The following RFX6 variants were observed in gnomAD, a reference collection of about 807,000 sequenced individuals.
The protein encoded by RFX6 is regulatory factor X6.
In RFX6, 50 loss-of-function variants were observed where a neutral mutation model predicts 110.8. The observed-to-expected ratio is 0.45, with a 90% CI of 0.36 to 0.57. RFX6 has a LOEUF of 0.57. Among genes scored for constraint, RFX6 ranks in the 20% least tolerant of loss-of-function variants. The pLI, the probability that RFX6 is intolerant of heterozygous loss-of-function variation, is 0.00. For synonymous variants in RFX6, 383 were observed against 411.2 expected, an observed-to-expected ratio of 0.93 and a Z score of 0.83; for missense variants, 990 against 1,127.0, an observed-to-expected ratio of 0.88 and a Z score of 1.74.
At chr6:116,899,160 A>G (rs1775014048) in intron 6 of RFX6, among the ~76,000 whole-genome samples, 1 of 152,178 alleles carries the variant, frequency 6.6e-6, no homozygotes, top group South Asian at 2.1e-4. Context: ...AGAGAAGCAT[A>G]CTGCCTATTT....
intron 6 of RFX6, among the ~76,000 whole-genome samples, chr6:116,901,619 A>G (rs764619047): frequency 1.3e-5 from 2 of 152,200 alleles, no homozygotes; most frequent in Non-Finnish European, 1.5e-5. Flanking sequence ...ACGTATGTTG[A>G]ATACCACCCC....
chr6:116,877,689 C>A, intron 1 of RFX6, 107 bp from the exon 2 acceptor site: 1 of 1,174,172 alleles, frequency 8.5e-7, no homozygotes. Context: ...TCCTCCCCTC[C>A]GCCCCCACCC....
intron 5 of RFX6, 134 bp from the exon 6 acceptor site, chr6:116,895,046 A>C (rs1206672874): frequency 5.4e-6 from 3 of 552,988 alleles, no homozygotes; most frequent in Non-Finnish European, 6.6e-6. Flanking sequence ...GATTTCTTTA[A>C]AAAAAGCAAA....
rs1213599654 is a variant in RFX6, at chr6:116,919,158, TTTTGCTAAAAA to T, written c.1047_1057del (p.Phe349LeufsTer18). The T allele has an allele frequency of 6.2e-7, 1 of 1,613,500 alleles. No homozygotes were observed. Among genetic ancestry groups the T allele is most frequent in the Non-Finnish European group, 8.5e-7 (1 of 1,179,578 alleles). ...GTAGCTTATTAGCAGACATAAGAAATTTTGCTAAAAATTGGGAACAGTGGGTTGTTTCATCC... is the reference window on the plus strand; with the variant it reads ...GTAGCTTATTAGCAGACATAAGAAATTTGGGAACAGTGGGTTGTTTCATCC... On this transcript the variant is annotated frameshift_variant, in exon 11 of 19. Transcript: ENST00000332958. LOFTEE classifies it high-confidence loss of function.
At chr6:116,914,614 T>C (rs1003251036) in intron 7 of RFX6, among the ~76,000 whole-genome samples, 3 of 152,320 alleles carry the variant, frequency 2.0e-5, no homozygotes, top group East Asian at 1.9e-4. Flanking sequence ...AGGTATTCTA[T>C]AGTCAGCACA....
At position 116,911,028 on chromosome 6, in the gene RFX6, A is replaced by C; in HGVS notation, c.766A>C (p.Ile256Leu). Residue 256 changes from isoleucine (I) to leucine (L), a missense_variant, in exon 7 of 19, where the codon ATT (isoleucine) becomes CTT (leucine). Transcript: ENST00000332958. ...SAQHLVYQGC[I>L]SKDKVDTLIM... ...TCAACACCTTGTATACCAAGGATGC[A>C]TTTCTAAGGACAAGGTATCAATTAC... 6.2e-7 allele frequency: 1 copy of C among 1,603,520 alleles called. No homozygotes were observed. Among genetic ancestry groups the C allele is most frequent in the Non-Finnish European group, 8.5e-7 (1 of 1,170,414 alleles).
intron 6 of RFX6, among the ~76,000 whole-genome samples, chr6:116,895,645 T>TACGC: frequency 6.8e-6 from 1 of 147,940 alleles, no homozygotes; most frequent in South Asian, 2.2e-4. Flanking sequence ...CTACTTTGTG[T>TACGC]ACACACACAC....
intron 6 of RFX6, among the ~76,000 whole-genome samples, chr6:116,908,583 G>T (rs1370887070): frequency 1.3e-5 from 2 of 151,736 alleles, no homozygotes; most frequent in South Asian, 4.2e-4. Flanking sequence ...ATTTTCAAGG[G>T]TATTTTACCA....
At position 116,920,388 on chromosome 6, in the gene RFX6, A is replaced by T. The variant is rs1582533712; in HGVS notation, c.1261A>T (p.Ile421Phe). Residue 421 changes from isoleucine to phenylalanine, a missense_variant, in exon 12 of 19, where the codon ATT becomes TTT. This residue lies in a region of RFX6 where 243 missense variants were observed against 353.1 expected (regional missense o/e 0.69). Coordinates refer to ENST00000332958, the MANE Select transcript of RFX6 (RefSeq NM_173560.4). ...SDIERVDLNS[I>F]GSQALLTISG... ...TATTGAAAGGGTTGATTTGAACAGC[A>T]TTGGCTCTCAAGCCCTTCTTACCAT... The T allele has an allele frequency of 6.2e-7, 1 of 1,612,434 alleles. No homozygotes were observed. The highest frequency in any genetic ancestry group is 8.5e-7 in the Non-Finnish European group (1 of 1,178,564).
At chr6:116,882,278 C>A in intron 3 of RFX6, 89 bp from the exon 4 acceptor site, 1 of 899,548 alleles carries the variant, frequency 1.1e-6, no homozygotes, top group Non-Finnish European at 1.9e-6. Context: ...CAGAGTTCAA[C>A]ATTTACTTTC....
At chr6:116,905,748 C>T (rs187119488) in intron 6 of RFX6, among the ~76,000 whole-genome samples, 361 of 152,100 alleles carry the variant, frequency 2.4e-3, no homozygotes, top group Non-Finnish European at 3.1e-3. Context: ...GACAGAGTTT[C>T]ACCATGTTGG....
Position 116,911,018 on chromosome 6 carries a change from C to T in RFX6, c.756C>T (p.Tyr252=), listed in dbSNP as rs1306676208. The change falls in exon 7 of 19, where the codon TAC becomes TAT. Residue 252 remains tyrosine, a synonymous_variant. Transcript: ENST00000332958. ...TCCCCAGCGCTCAACACCTTGTATA[C>T]CAAGGATGCATTTCTAAGGACAAGG... is the stretch of plus-strand genomic sequence containing the variant. ...PEFPSAQHLV[Y]QGCISKDKVD... is the part of the protein sequence containing the mutation. 2 of 1,610,110 alleles carry T rather than the reference C, an allele frequency of 1.2e-6. No individual in the cohort carries two copies. The highest frequency in any genetic ancestry group is 3.3e-5 in the Admixed American group (2 of 59,986).
At chr6:116,919,110 G>A in intron 10 of RFX6, 27 bp from the exon 11 acceptor site, 1 of 1,600,056 alleles carries the variant, frequency 6.2e-7, no homozygotes, top group Non-Finnish European at 8.6e-7. Flanking sequence ...TAACAATGAA[G>A]CATTTAACAC....
chr6:116,903,492 G>C lies in RFX6; in HGVS notation c.673-7443G>C, dbSNP rs527531203. ...AGAATTTTTAAAATAATCATAATATGAAAACTCAAGCCCTTTCTCATAACT... is the reference window on the plus strand; with the variant it reads ...AGAATTTTTAAAATAATCATAATATCAAAACTCAAGCCCTTTCTCATAACT... On this transcript the variant is annotated intron_variant, in intron 6 of 18. Coordinates refer to ENST00000332958, the MANE Select transcript of RFX6 (RefSeq NM_173560.4). 8.8e-4 allele frequency among the ~76,000 whole-genome samples: 134 copies of C among 151,980 alleles called. 1 individual carries two copies. Among genetic ancestry groups the C allele is most frequent in the Non-Finnish European group, 1.5e-3 (101 of 67,852 alleles).
rs769826234 is a variant in RFX6 at position 116,885,469 on chromosome 6, T to C, written c.566+3041T>C. Among the ~76,000 whole-genome samples, 8 of 152,286 alleles carry C rather than the reference T, an allele frequency of 5.3e-5. No individual in the cohort carries two copies. The East Asian group carries it at 1.5e-3, about 29-fold the overall frequency. On this transcript the variant is annotated intron_variant, in intron 4 of 18. Transcript: ENST00000332958. ...CACTCATCTCTAATCCTTGCAATAA[T>C]GATAGAAGATAGGAATTACTGTATT...
At chr6:116,928,151 G>A (rs1775793019) in intron 17 of RFX6, among the ~76,000 whole-genome samples, 1 of 151,514 alleles carries the variant, frequency 6.6e-6, no homozygotes, top group Non-Finnish European at 1.5e-5. Flanking sequence ...AGAATGTTCT[G>A]TCTTTTGAAA....
In RFX6 at chr6:116,910,918, A is replaced by G; in HGVS notation, c.673-17A>G. 6.4e-7 allele frequency: 1 copy of G among 1,564,852 alleles called. No individual in the cohort carries two copies. Among genetic ancestry groups the G allele is most frequent in the East Asian group, 2.2e-5 (1 of 44,572 alleles). On this transcript the variant is annotated splice_polypyrimidine_tract_variant and intron_variant, in intron 6 of 18. Transcript: ENST00000332958. ...AGTTGATAATGATGTATTTGTTTTCATTTTTCTAAATTATAGGGTGGCTTC... is the reference window on the plus strand; with the variant it reads ...AGTTGATAATGATGTATTTGTTTTCGTTTTTCTAAATTATAGGGTGGCTTC...
Position 116,928,845 on chromosome 6 carries a change from C to T in RFX6, c.2485C>T (p.Arg829Cys), listed in dbSNP as rs766770911. The change falls in exon 18 of 19, where the codon CGT becomes TGT. Residue 829 changes from arginine to cysteine, a missense_variant. This residue lies in a region of RFX6 where 438 missense variants were observed against 441.9 expected (regional missense o/e 0.99). Transcript: ENST00000332958. Reference sequence around the variant, plus strand: ...GCACGTTTCTGTCATCAGCAGCATTCGTTCACTGCCCCCCTACAGTGACAT... The same window carrying T: ...GCACGTTTCTGTCATCAGCAGCATTTGTTCACTGCCCCCCTACAGTGACAT... ...NQHVSVISSIRSLPPYSDIHD... is the reference protein window; with the variant it reads ...NQHVSVISSICSLPPYSDIHD... 148 of 1,613,592 alleles carry T rather than the reference C, an allele frequency of 9.2e-5. No individual in the cohort carries two copies. Among genetic ancestry groups the T allele is most frequent in the Non-Finnish European group, 1.2e-4 (142 of 1,179,614 alleles).
At chr6:116,924,588 C>G in intron 14 of RFX6, 81 bp from the exon 15 acceptor site, 220 of 1,173,100 alleles carry the variant, frequency 1.9e-4, no homozygotes, top group Non-Finnish European at 2.5e-4. Flanking sequence ...AGATAACTGA[C>G]TTCTCTTTCC....
Sources: allele counts gnomAD v4.1 joint callset (sites outside exome capture counted in the v4.1 genomes callset), GRCh38; gene constraint gnomAD v4.1.1; regional missense constraint gnomAD v4.1.1; transcripts MANE v1.5; gene names NCBI Gene and HGNC (gene_info 2026-07-23, HGNC 2026-07-21).